The following CYP4X1 variants were observed in gnomAD, a reference collection of about 807,000 sequenced individuals.
CYP4X1 encodes the protein cytochrome P450 family 4 subfamily X member 1.
In CYP4X1, 44 loss-of-function variants were observed where a neutral mutation model predicts 57.9. That is an observed-to-expected ratio of 0.76 (90% CI 0.60 to 0.98). The LOEUF (loss-of-function observed/expected upper bound fraction) is 0.98, where lower values mean the gene tolerates loss of function less well. Ranked by LOEUF, CYP4X1 falls within the 50% of genes least tolerant of loss-of-function variation. The pLI is 0.00. For missense variants in CYP4X1, 532 were observed against 623.9 expected, an observed-to-expected ratio of 0.85 and a Z score of 1.57; for synonymous variants, 227 against 228.6, an observed-to-expected ratio of 0.99 and a Z score of 0.06.
At chr1:47,010,016 C>A in the CYP4X1 span, among the ~76,000 whole-genome samples, 11 of 152,188 alleles carry the variant, frequency 7.2e-5, no homozygotes, top group Non-Finnish European at 1.0e-4. Flanking sequence ...TTCTGAAACT[C>A]TTCCAATCAA....
chr1:47,029,853 G>A, intron 1 of CYP4X1, 137 bp from the exon 2 acceptor site: 1 of 879,154 alleles, frequency 1.1e-6, no homozygotes, highest in South Asian at 1.8e-5. Context: ...CCCAAAGAAA[G>A]CATGTTATGT....
upstream of CYP4X1, among the ~76,000 whole-genome samples, chr1:47,020,842 G>A (rs1000029265): frequency 1.3e-5 from 2 of 152,078 alleles, no homozygotes; most frequent in African/African-American, 4.8e-5. Context: ...TTATAATTTC[G>A]GTCAAAGGTT....
chr1:46,983,390 G>T, the CYP4X1 span, among the ~76,000 whole-genome samples: 1 of 152,234 alleles, frequency 6.6e-6, no homozygotes, highest in Non-Finnish European at 1.5e-5. Context: ...TAGCCATTGT[G>T]CCATGTTAGA....
chr1:47,043,981 G>A (rs936787898), intron 8 of CYP4X1, among the ~76,000 whole-genome samples: 4 of 152,076 alleles, frequency 2.6e-5, no homozygotes, highest in African/African-American at 9.7e-5. Flanking sequence ...CTCTATGTGT[G>A]TTCTTAAAGA....
the CYP4X1 span, among the ~76,000 whole-genome samples, chr1:46,988,929 C>T: frequency 3.9e-5 from 6 of 152,082 alleles, no homozygotes; most frequent in Admixed American, 3.3e-4. Flanking sequence ...TATGACAAAT[C>T]CACGCCAATA....
chr1:47,046,091 A>C (rs1320784431), intron 8 of CYP4X1, among the ~76,000 whole-genome samples: 1 of 152,150 alleles, frequency 6.6e-6, no homozygotes, highest in Non-Finnish European at 1.5e-5. Context: ...GCATTCCAAC[A>C]ACACTTTAAA....
chr1:47,003,899 T>C, the CYP4X1 span, among the ~76,000 whole-genome samples: 10 of 152,300 alleles, frequency 6.6e-5, no homozygotes, highest in Non-Finnish European at 1.2e-4. Context: ...CTTCTCACGT[T>C]ACAAAATACA....
At chr1:47,028,751 G>A (rs1251768094) in intron 1 of CYP4X1, among the ~76,000 whole-genome samples, 1 of 152,102 alleles carries the variant, frequency 6.6e-6, no homozygotes, top group Non-Finnish European at 1.5e-5. Context: ...ATATTCATGA[G>A]GGCAAAGGCC....
chr1:46,988,336 G>A, the CYP4X1 span, among the ~76,000 whole-genome samples: 1 of 152,064 alleles, frequency 6.6e-6, no homozygotes, highest in Admixed American at 6.6e-5. Context: ...TCTAAACCAG[G>A]AAGAAGTCAA....
chr1:47,024,001 G>GGGAGGGA lies in CYP4X1; in HGVS notation c.177+18_177+24dup. The GGGAGGGA allele has an allele frequency of 6.2e-7, 1 of 1,609,998 alleles. No individual in the cohort carries two copies. The highest frequency in any genetic ancestry group is 8.5e-7 in the Non-Finnish European group (1 of 1,178,052). On this transcript the variant is annotated splice_region_variant and intron_variant, in intron 1 of 11. Coordinates refer to ENST00000371901, the MANE Select transcript of CYP4X1 (RefSeq NM_178033.2). ...GTTCCTTGGGCACCAGAAGGTAGAT[G>GGGAGGGA]GGAGGGAGGAGGGAGGAAGGAGGAG...
chr1:47,007,256 A>G, the CYP4X1 span, among the ~76,000 whole-genome samples: 1 of 152,122 alleles, frequency 6.6e-6, no homozygotes, highest in African/African-American at 2.4e-5. Context: ...CGGCAGCAAC[A>G]TTTGCTGTTC....
chr1:46,986,900 A>C, the CYP4X1 span, among the ~76,000 whole-genome samples: 733 of 152,358 alleles, frequency 4.8e-3, 11 homozygotes, highest in East Asian at 0.045. Context: ...GGAAAAAAAA[A>C]CCAGTACCAG....
chr1:47,036,370 T>TATATATATATATATATATATATATATA lies in CYP4X1; in HGVS notation c.775+199_775+200insATATATATATATATATATATATATATA, dbSNP rs1553152516. 1.3e-3 allele frequency among the ~76,000 whole-genome samples: 171 copies of TATATATATATATATATATATATATATA among 129,790 alleles called. 3 individuals carry two copies. The highest frequency in any genetic ancestry group is 4.3e-3 in the East Asian group (12 of 2,794). The allele number at this position is 129,790 out of a possible 152,430, so 85.1% of individuals were successfully genotyped here. A position where few individuals can be genotyped will look rare whatever the true frequency, so the allele number is the denominator to read the frequency against. The stretch of plus-strand genomic sequence containing the variant: ...AACCATAGCAGTATTATCAGAATTT[T>TATATATATATATATATATATATATATA]TATATATATATATATACACTATTTT... On this transcript the variant is annotated intron_variant, in intron 6 of 11. Coordinates refer to ENST00000371901, the MANE Select transcript of CYP4X1 (RefSeq NM_178033.2).
chr1:47,052,141 A>T (rs1185756908), downstream of CYP4X1, among the ~76,000 whole-genome samples: 4 of 152,056 alleles, frequency 2.6e-5, no homozygotes, highest in African/African-American at 9.7e-5. Flanking sequence ...GGTGCTTCTA[A>T]ACTTCTGTGT....
downstream of CYP4X1, among the ~76,000 whole-genome samples, chr1:47,051,251 G>T (rs913920151): frequency 1.7e-4 from 26 of 152,086 alleles, no homozygotes; most frequent in African/African-American, 6.3e-4. Context: ...GAGAGGATGT[G>T]GAGAAATAGG....
At chr1:47,039,555 T>A in intron 8 of CYP4X1, 23 bp downstream of exon 8, 2 of 1,552,412 alleles carry the variant, frequency 1.3e-6, no homozygotes, top group Non-Finnish European at 1.7e-6. Context: ...CCCCTAAATT[T>A]TCCTGCTAGT....
the CYP4X1 span, among the ~76,000 whole-genome samples, chr1:47,006,341 T>C: frequency 6.6e-6 from 1 of 152,186 alleles, no homozygotes; most frequent in Non-Finnish European, 1.5e-5. Context: ...TTACCAAGCA[T>C]AAGAATTCTA....
chr1:47,013,169 A>G, the CYP4X1 span, among the ~76,000 whole-genome samples: 2 of 152,032 alleles, frequency 1.3e-5, no homozygotes, highest in Non-Finnish European at 2.9e-5. Flanking sequence ...AAGAATGGCT[A>G]CTCAATAGGC....
chr1:46,965,793 G>A, the CYP4X1 span, among the ~76,000 whole-genome samples: 1 of 152,232 alleles, frequency 6.6e-6, no homozygotes, highest in Non-Finnish European at 1.5e-5. Flanking sequence ...CTCTATAGCT[G>A]GCAGGCTGGA....
Sources: allele counts gnomAD v4.1 joint callset (sites outside exome capture counted in the v4.1 genomes callset), GRCh38; gene constraint gnomAD v4.1.1; transcripts MANE v1.5; gene names NCBI Gene and HGNC (gene_info 2026-07-23, HGNC 2026-07-21).